Variants in RNF111 observed in about 807,000 individuals in gnomAD.
RNF111 encodes ring finger protein 111, also known as E3 ubiquitin-protein ligase Arkadia.
A neutral mutation model predicts 95.1 loss-of-function variants in RNF111; 17 were observed. The observed-to-expected ratio is 0.18, with a 90% confidence interval of 0.12 to 0.27. RNF111 has a LOEUF of 0.27. RNF111 is among the 10% of genes least tolerant of loss of function. The probability of loss-of-function intolerance (pLI) is 1.00; values close to 1 mark genes in which losing one functional copy is unlikely to be tolerated. For synonymous variants in RNF111, 440 were observed against 414.8 expected, an observed-to-expected ratio of 1.06 and a Z score of -0.74; for missense variants, 1,189 against 1,210.4, an observed-to-expected ratio of 0.98 and a Z score of 0.26.
At chr15:59,074,716 C>G (rs1354410725) in intron 6 of RNF111, among the ~76,000 whole-genome samples, 1 of 152,166 alleles carries the variant, frequency 6.6e-6, no homozygotes, top group Non-Finnish European at 1.5e-5. Context: ...TTTGTGTGTT[C>G]ACTGGAGTGC....
chr15:58,994,033 A>ATTTTTTTTTTTT, intron 1 of RNF111, among the ~76,000 whole-genome samples: 1 of 103,132 alleles, frequency 9.7e-6, no homozygotes, highest in Non-Finnish European at 1.9e-5. Context: ...TGTTACTTAA[A>ATTTTTTTTTTTT]TTTTTTTTTT....
chr15:58,999,670 C>T (rs767757508), intron 1 of RNF111, among the ~76,000 whole-genome samples: 1 of 152,084 alleles, frequency 6.6e-6, no homozygotes, highest in Non-Finnish European at 1.5e-5. Flanking sequence ...CATTTTAAAG[C>T]ATTTATGAGT....
Position 59,005,251 on chromosome 15 carries a change from T to C in RNF111, c.-20+17183T>C, listed in dbSNP as rs73416807. On this transcript the variant is annotated intron_variant, in intron 1 of 13. Transcript: ENST00000348370. ...TATGTTGCCTAGGCTGATCTCAAAC[T>C]CCTGGGCACAAGCAGTCCTCCCTGC... 8.3e-3 allele frequency among the ~76,000 whole-genome samples: 1,260 copies of C among 152,276 alleles called. 21 individuals carry two copies. The highest frequency in any genetic ancestry group is 0.029 in the African/African-American group (1,200 of 41,562).
intron 2 of RNF111, among the ~76,000 whole-genome samples, chr15:59,046,927 G>T (rs900023145): frequency 1.3e-5 from 2 of 152,052 alleles, no homozygotes; most frequent in South Asian, 4.1e-4. Flanking sequence ...GAGTACAATG[G>T]CACAGTCTCG....
chr15:59,084,470 T>A (rs1004010258), intron 9 of RNF111: 1 of 380,020 alleles, frequency 2.6e-6, no homozygotes, highest in Non-Finnish European at 4.6e-6. Context: ...GTACTTTTTT[T>A]AGGTGTTATT....
chr15:59,008,899 A>G (rs910637999), intron 1 of RNF111, among the ~76,000 whole-genome samples: 4 of 152,170 alleles, frequency 2.6e-5, no homozygotes, highest in Admixed American at 2.6e-4. Context: ...AACTTAAAAC[A>G]GTATACTTTC....
intron 6 of RNF111, among the ~76,000 whole-genome samples, chr15:59,068,809 G>T (rs1392849520): frequency 1.3e-5 from 2 of 152,052 alleles, no homozygotes; most frequent in East Asian, 3.9e-4. Flanking sequence ...GGGCGCGGTG[G>T]CTCATGCCTG....
At chr15:59,089,870 CAT>C (rs1268798654) in intron 11 of RNF111, 111 bp downstream of exon 11, 15 of 651,898 alleles carry the variant, frequency 2.3e-5, no homozygotes, top group East Asian at 1.3e-4. Flanking sequence ...CTGGGAATCA[CAT>C]GTGATTTTCT....
chr15:58,996,898 C>G (rs2039100736), intron 1 of RNF111, among the ~76,000 whole-genome samples: 3 of 152,162 alleles, frequency 2.0e-5, no homozygotes, highest in African/African-American at 7.2e-5. Context: ...CTATGCAACT[C>G]TCCTAATCTC....
intron 1 of RNF111, among the ~76,000 whole-genome samples, chr15:58,996,260 T>C (rs1596023826): frequency 6.6e-6 from 1 of 152,294 alleles, no homozygotes; most frequent in East Asian, 1.9e-4. Flanking sequence ...TGTTGCTTTT[T>C]AAGAAACTTT....
At chr15:59,032,105 A>G (rs1377998101) in intron 2 of RNF111, among the ~76,000 whole-genome samples, 3 of 151,986 alleles carry the variant, frequency 2.0e-5, no homozygotes, top group African/African-American at 7.3e-5. Context: ...TGCCCAGCTA[A>G]TTTTTGTATT....
intron 6 of RNF111, among the ~76,000 whole-genome samples, chr15:59,074,681 A>G (rs571879638): frequency 2.6e-5 from 4 of 152,190 alleles, no homozygotes; most frequent in Non-Finnish European, 5.9e-5. Context: ...TAGATCAGCA[A>G]TAAGGGTGTT....
intron 2 of RNF111, among the ~76,000 whole-genome samples, chr15:59,045,877 T>A (rs2041685061): frequency 6.6e-6 from 1 of 152,186 alleles, no homozygotes; most frequent in African/African-American, 2.4e-5. Context: ...CAATCTACAA[T>A]ATTATTTTAA....
chr15:59,066,681 T>A, intron 5 of RNF111, 83 bp from the exon 6 acceptor site: 1 of 1,048,634 alleles, frequency 9.5e-7, no homozygotes, highest in Non-Finnish European at 1.4e-6. Context: ...CTTTAAACAT[T>A]TATTATTTAT....
rs573253219 is a variant in RNF111, at chr15:59,015,472, C to T, written c.-19-15332C>T. Among the ~76,000 whole-genome samples, 3 of 152,174 alleles carry T rather than the reference C, an allele frequency of 2.0e-5. No individual in the cohort carries two copies. In the East Asian group the frequency reaches 5.8e-4, roughly 29 times the overall value. ...AAACTGCTAAAACTACTCTTTGCCC[C>T]CATCACTGTAAGAGCTTCCTCCGTA... On this transcript the variant is annotated intron_variant, in intron 1 of 13. Coordinates refer to ENST00000348370, the MANE Select transcript of RNF111 (RefSeq NM_017610.8).
chr15:59,003,490 C>A (rs1421157710), intron 1 of RNF111, among the ~76,000 whole-genome samples: 1 of 152,126 alleles, frequency 6.6e-6, no homozygotes, highest in Non-Finnish European at 1.5e-5. Context: ...CCTCCACCTC[C>A]TAGGCTCAAA....
chr15:59,002,831 CAT>C (rs1184253810), intron 1 of RNF111, among the ~76,000 whole-genome samples: 2 of 152,182 alleles, frequency 1.3e-5, no homozygotes, highest in Admixed American at 1.3e-4. Context: ...ATTCCTGTCA[CAT>C]AGTCTTTCCT....
intron 9 of RNF111, 96 bp downstream of exon 9, chr15:59,084,350 A>T: frequency 8.1e-7 from 1 of 1,238,232 alleles, no homozygotes; most frequent in Non-Finnish European, 1.1e-6. Flanking sequence ...CAGAAGGATG[A>T]TGTGGAGAAA....
chr15:59,034,758 G>A (rs1175180277), intron 2 of RNF111, among the ~76,000 whole-genome samples: 1 of 152,116 alleles, frequency 6.6e-6, no homozygotes, highest in Admixed American at 6.6e-5. Flanking sequence ...AATTCAAATT[G>A]GTAGAACTAG....
Sources: gnomAD v4.1 joint callset for allele counts (sites outside exome capture counted in the v4.1 genomes callset) on GRCh38, gnomAD v4.1.1 for gene constraint, MANE v1.5 for transcripts, NCBI Gene and HGNC (gene_info 2026-07-23, HGNC 2026-07-21) for gene names.